Variants in MIER1 observed in about 807,000 individuals in gnomAD.
The protein encoded by MIER1 is mesoderm induction early response protein 1.
Under a neutral mutation model 75.7 loss-of-function variants are expected in MIER1, and 40 were observed. The observed-to-expected ratio is 0.53, with a 90% CI of 0.41 to 0.69. The LOEUF is 0.69. Among genes scored for constraint, MIER1 ranks in the 30% least tolerant of loss-of-function variants. The pLI is 0.00. For synonymous variants in MIER1, 213 were observed against 223.4 expected (o/e 0.95, Z 0.42); for missense variants, 574 against 680.2 (o/e 0.84, Z 1.74).
At position 66,988,608 on chromosome 1, in the gene MIER1, C is replaced by T. The variant is rs964848698; in HGVS notation, c.*3708C>T. 2.6e-5 allele frequency: 4 copies of T among 152,076 alleles called. No homozygotes were observed. The highest frequency in any genetic ancestry group is 1.3e-4 in the Admixed American group (2 of 15,264). 9.4% of individuals were successfully genotyped at this position (152,076 alleles called of 1,614,324 possible). ...AGAATGTATAATGTAATTAAAATGT[C>T]ATTTTGCTTGCTCTTGAGTAAGAAG... On this transcript the variant is annotated 3_prime_UTR_variant, in exon 14 of 14. Transcript: ENST00000401041.
chr1:66,939,987 A>G (rs1159363245), intron 2 of MIER1, 41 bp from the exon 3 acceptor site: 1 of 1,519,574 alleles, frequency 6.6e-7, no homozygotes, highest in Non-Finnish European at 9.1e-7. Flanking sequence ...AAGATACATT[A>G]TACAGAAATA....
chr1:66,946,833 A>G (rs1657764346), intron 4 of MIER1: 8 of 985,142 alleles, frequency 8.1e-6, no homozygotes, highest in Non-Finnish European at 9.6e-6. Flanking sequence ...GCAGTATTCA[A>G]TATAGTTTAA....
rs963949103 is a variant in MIER1 at position 66,930,136 on chromosome 1, C to T, written c.168+3894C>T. ...TCCCGGGGAGGGCTGGCCGCGGGGC[C>T]GCGCGCGCGCCCCTGCTCCGGCGCG... On this transcript the variant is annotated intron_variant, in intron 2 of 13. Coordinates refer to ENST00000401041, the MANE Select transcript of MIER1 (RefSeq NM_001077700.3). The T allele has an allele frequency of 2.9e-6, 3 of 1,028,824 alleles. No homozygotes were observed. The African/African-American group carries it at 5.1e-5, about 17-fold the overall frequency. The allele number at this position is 1,028,824 out of a possible 1,614,324, so 63.7% of individuals were successfully genotyped here.
chr1:66,960,348 G>C (rs1661018035), intron 7 of MIER1, among the ~76,000 whole-genome samples: 1 of 152,066 alleles, frequency 6.6e-6, no homozygotes, highest in Non-Finnish European at 1.5e-5. Flanking sequence ...AACAGATTTG[G>C]CTTCTTCGTA....
chr1:66,925,127 C>T (rs992013115), intron 1 of MIER1, 32 bp downstream of exon 1: 2 of 1,540,914 alleles, frequency 1.3e-6, no homozygotes, highest in Admixed American at 2.1e-5. Flanking sequence ...CATCTCTCCC[C>T]TTCTATTCCA....
At chr1:66,972,742 G>A (rs1663957600) in intron 10 of MIER1, among the ~76,000 whole-genome samples, 155 bp from the exon 11 acceptor site, 2 of 152,030 alleles carry the variant, frequency 1.3e-5, no homozygotes, top group South Asian at 4.1e-4. Flanking sequence ...ATAAGGAATT[G>A]TTGTCACTTT....
chr1:66,976,763 G>A, intron 12 of MIER1, 41 bp downstream of exon 12: 1 of 1,455,124 alleles, frequency 6.9e-7, no homozygotes, highest in Non-Finnish European at 9.1e-7. Flanking sequence ...ATACATTTTT[G>A]CTAAGCTTTT....
intron 4 of MIER1, among the ~76,000 whole-genome samples, chr1:66,952,104 A>G (rs777281346): frequency 6.6e-6 from 1 of 152,210 alleles, no homozygotes; most frequent in African/African-American, 2.4e-5. Flanking sequence ...AGATTCTCAA[A>G]AAAGTCTCTG....
At chr1:66,971,821 T>C in intron 10 of MIER1, 85 bp downstream of exon 10, 1 of 634,406 alleles carries the variant, frequency 1.6e-6, no homozygotes, top group East Asian at 2.9e-5. Context: ...AGCCTAAACT[T>C]AATAATACTG....
At position 66,984,564 on chromosome 1, in the gene MIER1, C is replaced by G. The variant is rs1223965157; in HGVS notation, c.1370-8C>G. 1.3e-6 allele frequency: 2 copies of G among 1,544,312 alleles called. No homozygotes were observed. The highest frequency in any genetic ancestry group is 1.7e-6 in the Non-Finnish European group (2 of 1,147,446). On this transcript the variant is annotated splice_polypyrimidine_tract_variant and splice_region_variant and intron_variant, in intron 13 of 13. Coordinates refer to ENST00000401041, the MANE Select transcript of MIER1 (RefSeq NM_001077700.3). ...ATTGTGGTTTCATTTATATTTCTTT[C>G]AACTTAGGAGTGTCATCTAATGGAC...
At chr1:66,944,137 TGTGA>T (rs1291056371) in intron 3 of MIER1, among the ~76,000 whole-genome samples, 1 of 152,176 alleles carries the variant, frequency 6.6e-6, no homozygotes. Context: ...TGAAAATTAT[TGTGA>T]GTAACTGAAG....
chr1:66,965,618 A>G (rs564232831), intron 8 of MIER1, among the ~76,000 whole-genome samples: 11 of 152,300 alleles, frequency 7.2e-5, no homozygotes, highest in African/African-American at 2.4e-4. Flanking sequence ...CATCATGGCA[A>G]ATGGTGTATG....
chr1:66,936,775 C>T (rs996624717), intron 2 of MIER1, among the ~76,000 whole-genome samples: 28 of 151,296 alleles, frequency 1.9e-4, no homozygotes, highest in East Asian at 1.6e-3. Flanking sequence ...CTGAGGCGGA[C>T]GGATCACGAG....
intron 11 of MIER1, among the ~76,000 whole-genome samples, chr1:66,975,750 A>G (rs1314529886): frequency 6.6e-6 from 1 of 152,160 alleles, no homozygotes; most frequent in Non-Finnish European, 1.5e-5. Flanking sequence ...AAGCCGCAAG[A>G]GTAACTTAGT....
chr1:66,981,493 A>G (rs890905554), intron 12 of MIER1, among the ~76,000 whole-genome samples: 1 of 152,158 alleles, frequency 6.6e-6, no homozygotes, highest in Non-Finnish European at 1.5e-5. Flanking sequence ...TTCCAGTTCT[A>G]GTTGGGCCAC....
chr1:66,976,805 A>T, intron 12 of MIER1, 83 bp downstream of exon 12: 1 of 1,225,946 alleles, frequency 8.2e-7, no homozygotes, highest in Non-Finnish European at 1.1e-6. Flanking sequence ...TATTATTTTG[A>T]TAATCTTGCT....
intron 3 of MIER1, among the ~76,000 whole-genome samples, chr1:66,940,585 A>G (rs983583539): frequency 6.6e-6 from 1 of 152,208 alleles, no homozygotes; most frequent in Non-Finnish European, 1.5e-5. Flanking sequence ...GCACACATCT[A>G]GGATTTTTGT....
At chr1:66,955,336 GTTTTTT>G (rs34006160) in intron 4 of MIER1, among the ~76,000 whole-genome samples, 9 of 59,968 alleles carry the variant, frequency 1.5e-4, no homozygotes, top group African/African-American at 2.1e-4. Flanking sequence ...CATCACCTGA[GTTTTTT>G]TTTTTTTTTT....
At chr1:66,951,475 T>G (rs1434101946) in intron 4 of MIER1, among the ~76,000 whole-genome samples, 1 of 152,172 alleles carries the variant, frequency 6.6e-6, no homozygotes, top group African/African-American at 2.4e-5. Flanking sequence ...CAGCCAGCCT[T>G]CCTTTAGCTT....
Sources: allele counts gnomAD v4.1 joint callset (sites outside exome capture counted in the v4.1 genomes callset), GRCh38; gene constraint gnomAD v4.1.1; transcripts MANE v1.5; gene names NCBI Gene and HGNC (gene_info 2026-07-23, HGNC 2026-07-21).